The following KLF12 variants were observed in gnomAD, a reference collection of about 807,000 sequenced individuals.
The protein encoded by KLF12 is KLF transcription factor 12.
Under a neutral mutation model 37.8 loss-of-function variants are expected in KLF12, and 9 were observed. The observed-to-expected ratio is 0.24, with a 90% CI of 0.14 to 0.42. The LOEUF (loss-of-function observed/expected upper bound fraction) is 0.42, where lower values mean the gene tolerates loss of function less well. Among genes scored for constraint, KLF12 ranks in the 10% least tolerant of loss-of-function variants. The pLI is 1.00. For synonymous variants in KLF12, 208 were observed against 202.1 expected (o/e 1.03, Z -0.25); for missense variants, 411 against 516.0 (o/e 0.80, Z 1.97).
chr13:74,259,645 A>G, the KLF12 span: 2 of 152,308 alleles, frequency 1.3e-5, no homozygotes, highest in African/African-American at 4.8e-5. Context: ...TCTTTAGCCA[A>G]TACTACAACA....
At chr13:74,049,023 A>G (rs1045456988) in intron 1 of KLF12, among the ~76,000 whole-genome samples, 1 of 152,234 alleles carries the variant, frequency 6.6e-6, no homozygotes, top group Non-Finnish European at 1.5e-5. Context: ...AATGGCGGTA[A>G]AAGTCTAGCT....
At chr13:73,831,028 A>ATG (rs1884128607) in intron 4 of KLF12, among the ~76,000 whole-genome samples, 1 of 148,128 alleles carries the variant, frequency 6.8e-6, no homozygotes, top group Non-Finnish European at 1.5e-5. Flanking sequence ...ACACACACGC[A>ATG]TACTTATTTT....
At chr13:74,128,943 T>C (rs1377151805) in intron 1 of KLF12, among the ~76,000 whole-genome samples, 1 of 152,116 alleles carries the variant, frequency 6.6e-6, no homozygotes, top group Non-Finnish European at 1.5e-5. Flanking sequence ...AATATAGATA[T>C]AGACTACAAA....
At chr13:74,273,256 T>C in the KLF12 span, among the ~76,000 whole-genome samples, 1 of 152,198 alleles carries the variant, frequency 6.6e-6, no homozygotes, top group East Asian at 1.9e-4. Flanking sequence ...TTGAAGTTTA[T>C]TGAATATGAA....
At chr13:74,081,402 T>C (rs1017148005) in intron 1 of KLF12, among the ~76,000 whole-genome samples, 10 of 152,234 alleles carry the variant, frequency 6.6e-5, no homozygotes, top group Non-Finnish European at 1.3e-4. Context: ...TTAAGTACTA[T>C]AGATTTCAGG....
intron 3 of KLF12, among the ~76,000 whole-genome samples, chr13:73,884,889 G>A (rs1372914094): frequency 2.6e-5 from 4 of 152,024 alleles, no homozygotes. Flanking sequence ...TCACAGCTGG[G>A]CAACCACTTC....
In KLF12 at chr13:73,969,174, C is replaced by T. The variant is rs547240537; in HGVS notation, c.34-25104G>A. 8.5e-5 allele frequency among the ~76,000 whole-genome samples: 13 copies of T among 152,230 alleles called. No individual in the cohort carries two copies. In the East Asian group the frequency reaches 9.7e-4, roughly 11 times the overall value. Reference sequence around the variant, plus strand: ...AGAAATATGAATCCATAATTACTGACGGGCCAGAATACAAAAGCTACCTTT... The same window carrying T: ...AGAAATATGAATCCATAATTACTGATGGGCCAGAATACAAAAGCTACCTTT... On this transcript the variant is annotated intron_variant, in intron 2 of 7. Transcript: ENST00000377669.
At chr13:73,713,412 A>G (rs1344945542) in intron 7 of KLF12, among the ~76,000 whole-genome samples, 4 of 152,250 alleles carry the variant, frequency 2.6e-5, no homozygotes, top group Non-Finnish European at 5.9e-5. Context: ...CAAAGAGATA[A>G]TAACAGCTAC....
intron 3 of KLF12, among the ~76,000 whole-genome samples, chr13:73,920,869 C>CA (rs1026813228): frequency 6.6e-6 from 1 of 152,140 alleles, no homozygotes; most frequent in African/African-American, 2.4e-5. Context: ...GCCCTGCTCC[C>CA]ACTACCAGGC....
chr13:73,883,094 C>A (rs1307211082), intron 3 of KLF12, among the ~76,000 whole-genome samples: 1 of 152,140 alleles, frequency 6.6e-6, no homozygotes, highest in Non-Finnish European at 1.5e-5. Flanking sequence ...TAATTACTAT[C>A]ATTAAAATCA....
chr13:74,216,917 A>T, the KLF12 span, among the ~76,000 whole-genome samples: 1 of 152,264 alleles, frequency 6.6e-6, no homozygotes, highest in Non-Finnish European at 1.5e-5. Flanking sequence ...CTTTATATTA[A>T]TTATCAAGTT....
At chr13:73,707,323 C>T (rs1225756308) in intron 7 of KLF12, among the ~76,000 whole-genome samples, 1 of 152,122 alleles carries the variant, frequency 6.6e-6, no homozygotes, top group East Asian at 1.9e-4. Flanking sequence ...AAAAAGAAAA[C>T]CTGAGATTCA....
chr13:73,911,491 T>G (rs966311137), intron 3 of KLF12, among the ~76,000 whole-genome samples: 2 of 152,238 alleles, frequency 1.3e-5, no homozygotes, highest in Non-Finnish European at 2.9e-5. Context: ...ATTCATGGCT[T>G]CAGTACTGCC....
At chr13:73,921,471 A>G (rs1006686876) in intron 3 of KLF12, among the ~76,000 whole-genome samples, 5 of 152,098 alleles carry the variant, frequency 3.3e-5, no homozygotes, top group African/African-American at 1.2e-4. Context: ...GCCTAACTCA[A>G]TATTTTTTCA....
At chr13:73,766,486 CT>C (rs1879922858) in intron 5 of KLF12, among the ~76,000 whole-genome samples, 2 of 152,120 alleles carry the variant, frequency 1.3e-5, no homozygotes, top group African/African-American at 4.8e-5. Flanking sequence ...TACTTTCTGT[CT>C]GCTTGAAATA....
intron 3 of KLF12, among the ~76,000 whole-genome samples, chr13:73,861,179 G>C (rs186410272): frequency 3.3e-5 from 5 of 152,004 alleles, no homozygotes; most frequent in Non-Finnish European, 7.4e-5. Flanking sequence ...GTCAATCGGG[G>C]TGTAATACAT....
At chr13:73,733,377 G>A (rs375382527) in intron 6 of KLF12, among the ~76,000 whole-genome samples, 6 of 151,854 alleles carry the variant, frequency 4.0e-5, no homozygotes, top group African/African-American at 7.3e-5. Flanking sequence ...CCTACTTTAG[G>A]TGCCTCATAT....
intron 4 of KLF12, among the ~76,000 whole-genome samples, chr13:73,844,428 T>C (rs539043236): frequency 1.3e-5 from 2 of 152,266 alleles, no homozygotes; most frequent in Admixed American, 6.5e-5. Context: ...CACTAGAGAA[T>C]AGTGGGACTA....
At chr13:74,183,604 A>AG in the KLF12 span, among the ~76,000 whole-genome samples, 1 of 152,286 alleles carries the variant, frequency 6.6e-6, no homozygotes, top group African/African-American at 2.4e-5. Context: ...TAAAAATAAA[A>AG]AAAAATCCAC....
Sources: gnomAD v4.1 joint callset for allele counts (sites outside exome capture counted in the v4.1 genomes callset) on GRCh38, gnomAD v4.1.1 for gene constraint, MANE v1.5 for transcripts, NCBI Gene and HGNC (gene_info 2026-07-23, HGNC 2026-07-21) for gene names.